SHROOM3: variants seen among roughly 807,000 people sequenced by gnomAD.
SHROOM3 encodes protein Shroom3.
A neutral mutation model predicts 138.6 loss-of-function variants in SHROOM3; 47 were observed. The observed-to-expected ratio is 0.34, with a 90% CI of 0.27 to 0.43. The LOEUF is 0.43. Among genes scored for constraint, SHROOM3 ranks in the 20% least tolerant of loss-of-function variants. SHROOM3 has a pLI of 1.00. For missense variants in SHROOM3, 2,491 were observed against 2,596.5 expected (o/e 0.96, Z 0.88); for synonymous variants, 1,062 against 1,063.3 (o/e 1.00, Z 0.02).
chr4:76,523,738 A>G (rs1251920726), intron 1 of SHROOM3, among the ~76,000 whole-genome samples: 2 of 152,150 alleles, frequency 1.3e-5, no homozygotes, highest in Non-Finnish European at 2.9e-5. Context: ...GAACATTAGG[A>G]AGCGTTTCCA....
chr4:76,481,134 T>C (rs901633518), intron 1 of SHROOM3, among the ~76,000 whole-genome samples: 11 of 151,840 alleles, frequency 7.2e-5, no homozygotes, highest in African/African-American at 2.7e-4. Context: ...ACTAAGATCA[T>C]AGCAGAACTG....
chr4:76,538,895 T>C (rs1733039583), intron 1 of SHROOM3, among the ~76,000 whole-genome samples: 1 of 152,200 alleles, frequency 6.6e-6, no homozygotes, highest in Admixed American at 6.5e-5. Flanking sequence ...GGAGGGCTGT[T>C]CTGATCAGTA....
chr4:76,487,571 T>C (rs963143150), intron 1 of SHROOM3, among the ~76,000 whole-genome samples: 1 of 152,116 alleles, frequency 6.6e-6, no homozygotes, highest in Admixed American at 6.5e-5. Flanking sequence ...GCTTGGCTGG[T>C]AATTCTGGGT....
intron 1 of SHROOM3, among the ~76,000 whole-genome samples, chr4:76,452,701 G>C (rs749098901): frequency 1.3e-5 from 2 of 152,240 alleles, no homozygotes; most frequent in African/African-American, 2.4e-5. Flanking sequence ...GTACATTTGA[G>C]TTTAAGTCTT....
chr4:76,683,468 C>T (rs1278693635), intron 2 of SHROOM3, among the ~76,000 whole-genome samples: 1 of 152,102 alleles, frequency 6.6e-6, no homozygotes, highest in African/African-American at 2.4e-5. Context: ...GCGAATTTCC[C>T]TCATTCTTTC....
chr4:76,754,629 C>G lies in SHROOM3; in HGVS notation c.4146C>G (p.Thr1382=), dbSNP rs199958812. Residue 1382 remains threonine (T), a synonymous_variant, in exon 7 of 11, where the codon ACC becomes ACG. Transcript: ENST00000296043. ...QTGRQPLPPY[T]PAMMHRSNGH... The stretch of plus-strand genomic sequence containing the variant: ...GGCGACAGCCTCTCCCGCCCTACAC[C>G]CCTGCCATGATGCACAGAAGCAATG... The G allele has an allele frequency of 6.2e-7, 1 of 1,614,046 alleles. No homozygotes were observed. Among genetic ancestry groups the G allele is most frequent in the African/African-American group, 1.3e-5 (1 of 74,922 alleles).
At chr4:76,696,572 C>G (rs1402667612) in intron 2 of SHROOM3, among the ~76,000 whole-genome samples, 1 of 152,218 alleles carries the variant, frequency 6.6e-6, no homozygotes, top group East Asian at 1.9e-4. Context: ...GCTCACAGGA[C>G]ATGTCCTGTC....
rs756362125 is a variant in SHROOM3 at position 76,754,934 on chromosome 4, G to A, written c.4451G>A (p.Arg1484Lys). Residue 1484 changes from arginine to lysine, a missense_variant, in exon 7 of 11, where the codon AGG becomes AAG. Transcript: ENST00000296043. ...TPLGAPSTPGRISLRISESVL... is the reference protein window; with the variant it reads ...TPLGAPSTPGKISLRISESVL... ...CTTGGGGCCCCGAGCACTCCAGGGA[G>A]GATCTCCCTCCGAATATCTGAGTCT... 6.2e-6 allele frequency: 10 copies of A among 1,614,188 alleles called. No individual in the cohort carries two copies. Among genetic ancestry groups the A allele is most frequent in the Non-Finnish European group, 8.5e-6 (10 of 1,180,026 alleles).
At chr4:76,652,796 AGT>A (rs955280004) in intron 2 of SHROOM3, among the ~76,000 whole-genome samples, 2 of 151,494 alleles carry the variant, frequency 1.3e-5, no homozygotes, top group African/African-American at 4.9e-5. Context: ...GGTGTGTATA[AGT>A]GTGTGTGTGT....
chr4:76,610,435 A>G (rs62300926), intron 2 of SHROOM3, among the ~76,000 whole-genome samples: 8,847 of 152,290 alleles, frequency 0.058, 368 homozygotes, highest in Middle Eastern at 0.12. Flanking sequence ...TTTGAAGATT[A>G]TATTGAAACA....
intron 3 of SHROOM3, among the ~76,000 whole-genome samples, chr4:76,719,122 A>G (rs549016868): frequency 1.3e-5 from 2 of 152,004 alleles, no homozygotes; most frequent in Non-Finnish European, 2.9e-5. Flanking sequence ...TCTCCCTAAA[A>G]AGCTATAGTA....
chr4:76,704,429 A>G (rs998872451), intron 2 of SHROOM3, among the ~76,000 whole-genome samples: 1 of 152,250 alleles, frequency 6.6e-6, no homozygotes, highest in Non-Finnish European at 1.5e-5. Context: ...GCCAGGAAAG[A>G]GTATTTGCAT....
chr4:76,773,267 A>G (rs1033723167), intron 10 of SHROOM3, among the ~76,000 whole-genome samples: 2 of 151,520 alleles, frequency 1.3e-5, no homozygotes, highest in Non-Finnish European at 2.9e-5. Context: ...CCAGCTACTC[A>G]GGAGGCTGAG....
chr4:76,555,580 G>T (rs374445948), intron 1 of SHROOM3, 29 bp from the exon 2 acceptor site: 1 of 1,611,970 alleles, frequency 6.2e-7, no homozygotes, highest in Admixed American at 1.7e-5. Flanking sequence ...AAGCTCACTC[G>T]TGGCTGTCGC....
chr4:76,735,857 AAAAAAAAAAAAATATATATATATATATAT>A (rs1347010219), intron 4 of SHROOM3, among the ~76,000 whole-genome samples: 14 of 44,018 alleles, frequency 3.2e-4, no homozygotes, highest in Non-Finnish European at 4.0e-4. Context: ...AAAAAAAAAA[AAAAAAAAAAAAATATATATATATATATAT>A]ATATATATAT....
At chr4:76,442,123 G>A (rs1478626954) in intron 1 of SHROOM3, among the ~76,000 whole-genome samples, 2 of 152,200 alleles carry the variant, frequency 1.3e-5, no homozygotes, top group Admixed American at 6.5e-5. Flanking sequence ...GGCCAGATGG[G>A]TTTTACTCAT....
chr4:76,479,896 G>T (rs1228415408), intron 1 of SHROOM3, among the ~76,000 whole-genome samples: 2 of 152,150 alleles, frequency 1.3e-5, no homozygotes, highest in Admixed American at 6.5e-5. Context: ...AAGCTAAGGA[G>T]AAATAAAATC....
chr4:76,621,851 A>C (rs1735014124), intron 2 of SHROOM3, among the ~76,000 whole-genome samples: 1 of 139,548 alleles, frequency 7.2e-6, no homozygotes, highest in Non-Finnish European at 1.5e-5. Context: ...TTTTTTTGAG[A>C]CAGAGTCTCA....
chr4:76,658,114 C>T (rs758681024), intron 2 of SHROOM3, among the ~76,000 whole-genome samples: 3 of 152,242 alleles, frequency 2.0e-5, no homozygotes, highest in Non-Finnish European at 4.4e-5. Context: ...TAACTTCCCA[C>T]AATCCCACAA....
Sources: allele counts gnomAD v4.1 joint callset (sites outside exome capture counted in the v4.1 genomes callset), GRCh38; gene constraint gnomAD v4.1.1; transcripts MANE v1.5; gene names NCBI Gene and HGNC (gene_info 2026-07-23, HGNC 2026-07-21).